Variants in MCC observed in about 807,000 individuals in gnomAD.
MCC encodes the protein colorectal mutant cancer protein.
Under a neutral mutation model 116.2 loss-of-function variants are expected in MCC, and 90 were observed. The observed-to-expected ratio is 0.77, with a 90% CI of 0.65 to 0.92. The LOEUF (loss-of-function observed/expected upper bound fraction) is 0.92, where lower values mean the gene tolerates loss of function less well. Among genes scored for constraint, MCC ranks in the 40% least tolerant of loss-of-function variants. The probability of loss-of-function intolerance (pLI) is 0.00; values close to 1 mark genes in which losing one functional copy is unlikely to be tolerated. For missense variants in MCC, 1,516 were observed against 1,312.2 expected, an observed-to-expected ratio of 1.16 and a Z score of -2.40; for synonymous variants, 578 against 510.5, an observed-to-expected ratio of 1.13 and a Z score of -1.78.
chr5:113,218,093 CG>C (rs1763392933), intron 3 of MCC, among the ~76,000 whole-genome samples: 1 of 34,092 alleles, frequency 2.9e-5, no homozygotes, highest in African/African-American at 1.2e-4. Context: ...GATGGTTGCA[CG>C]GGGGTGGGGG....
intron 3 of MCC, among the ~76,000 whole-genome samples, chr5:113,193,754 C>A (rs1214347520): frequency 6.6e-6 from 1 of 152,234 alleles, no homozygotes; most frequent in Non-Finnish European, 1.5e-5. Flanking sequence ...CATTCACACA[C>A]TGCACTTCCA....
At chr5:113,317,277 A>T (rs35352601) in intron 3 of MCC, among the ~76,000 whole-genome samples, 21,641 of 152,268 alleles carry the variant, frequency 0.14, 2,104 homozygotes, top group Non-Finnish European at 0.2. Flanking sequence ...CTTAAAAAAA[A>T]ACTATATTCA....
At chr5:113,294,496 G>C (rs1396107893) in intron 3 of MCC, 1 of 1,571,124 alleles carries the variant, frequency 6.4e-7, no homozygotes, top group Non-Finnish European at 8.6e-7. Context: ...TTTTAGTCTA[G>C]ACAGCCATTT....
chr5:113,463,863 T>A (rs1013368723), intron 1 of MCC, among the ~76,000 whole-genome samples: 1 of 151,956 alleles, frequency 6.6e-6, no homozygotes, highest in Non-Finnish European at 1.5e-5. Context: ...TGAGCAAAAA[T>A]TGATGCCTTA....
At chr5:113,111,233 T>G (rs11953203) in intron 6 of MCC, among the ~76,000 whole-genome samples, 72,321 of 152,082 alleles carry the variant, frequency 0.48, 17,633 homozygotes, top group African/African-American at 0.56. Flanking sequence ...GGGAAACAGG[T>G]ATTCCCAGCT....
intron 3 of MCC, among the ~76,000 whole-genome samples, chr5:113,254,573 A>G (rs563626136): frequency 1.4e-4 from 22 of 152,354 alleles, no homozygotes; most frequent in African/African-American, 5.3e-4. Flanking sequence ...CACAGCCCAT[A>G]CGTAAAGCAA....
intron 3 of MCC, among the ~76,000 whole-genome samples, chr5:113,233,169 A>G (rs1405770330): frequency 6.6e-6 from 1 of 152,194 alleles, no homozygotes; most frequent in Non-Finnish European, 1.5e-5. Context: ...AGGAGAGGAA[A>G]CAAGCTTCTT....
chr5:113,306,770 C>T (rs1250257365), intron 3 of MCC, among the ~76,000 whole-genome samples: 1 of 151,816 alleles, frequency 6.6e-6, no homozygotes, highest in South Asian at 2.1e-4. Flanking sequence ...GCTTTTGGTG[C>T]CATATTTAAT....
chr5:113,481,290 C>T (rs924214586), intron 1 of MCC, among the ~76,000 whole-genome samples: 2 of 151,954 alleles, frequency 1.3e-5, no homozygotes, highest in Non-Finnish European at 2.9e-5. Context: ...AATTATTTTG[C>T]CATAGTTTAA....
At chr5:113,100,534 C>T (rs1007448268) in intron 8 of MCC, among the ~76,000 whole-genome samples, 70 of 122,212 alleles carry the variant, frequency 5.7e-4, no homozygotes, top group Admixed American at 5.2e-3. Flanking sequence ...TGCAGTGGTG[C>T]GATCTTGGCC....
At chr5:113,068,616 C>G (rs982916215) in intron 12 of MCC, among the ~76,000 whole-genome samples, 3 of 152,190 alleles carry the variant, frequency 2.0e-5, no homozygotes, top group East Asian at 1.9e-4. Flanking sequence ...AATTAGCTTA[C>G]TAAAAAACCC....
intron 1 of MCC, among the ~76,000 whole-genome samples, chr5:113,447,401 T>C (rs1771254484): frequency 6.6e-6 from 1 of 152,190 alleles, no homozygotes; most frequent in South Asian, 2.1e-4. Flanking sequence ...TTATGTACAA[T>C]TTGAAAAATA....
chr5:113,169,643 T>C (rs574857414), intron 3 of MCC, among the ~76,000 whole-genome samples: 5 of 152,280 alleles, frequency 3.3e-5, no homozygotes, highest in African/African-American at 1.2e-4. Flanking sequence ...GGTCACATTC[T>C]GGCCATGGGG....
intron 1 of MCC, among the ~76,000 whole-genome samples, chr5:113,453,012 G>A (rs1771444049): frequency 1.3e-5 from 2 of 152,188 alleles, no homozygotes; most frequent in African/African-American, 4.8e-5. Flanking sequence ...AGGTGACAAA[G>A]TATCAACAAC....
intron 3 of MCC, among the ~76,000 whole-genome samples, chr5:113,166,255 TATCAAAA>T (rs1760761071): frequency 6.6e-6 from 1 of 152,064 alleles, no homozygotes; most frequent in Non-Finnish European, 1.5e-5. Flanking sequence ...TAGATAAAAA[TATCAAAA>T]GAAAATCTAA....
intron 3 of MCC, among the ~76,000 whole-genome samples, chr5:113,212,586 T>G (rs1321101113): frequency 6.6e-6 from 1 of 152,258 alleles, no homozygotes; most frequent in Non-Finnish European, 1.5e-5. Flanking sequence ...ACGTTTATTG[T>G]ACAATGCCAA....
At chr5:113,277,837 T>G (rs1347352497) in intron 3 of MCC, among the ~76,000 whole-genome samples, 1 of 152,164 alleles carries the variant, frequency 6.6e-6, no homozygotes, top group Non-Finnish European at 1.5e-5. Context: ...GCATTGTGAG[T>G]GAACAGCCAT....
At chr5:113,469,890 G>C (rs1772031718) in intron 1 of MCC, among the ~76,000 whole-genome samples, 1 of 152,188 alleles carries the variant, frequency 6.6e-6, no homozygotes, top group South Asian at 2.1e-4. Context: ...TATATATTTA[G>C]GATAGTTAGC....
At chr5:113,358,771 G>T (rs1768473830) in intron 2 of MCC, among the ~76,000 whole-genome samples, 1 of 152,162 alleles carries the variant, frequency 6.6e-6, no homozygotes, top group Admixed American at 6.6e-5. Context: ...ACTATTTCTA[G>T]ATAATACTGA....
Sources: gnomAD v4.1 joint callset for allele counts (sites outside exome capture counted in the v4.1 genomes callset) on GRCh38, gnomAD v4.1.1 for gene constraint, MANE v1.5 for transcripts, NCBI Gene and HGNC (gene_info 2026-07-23, HGNC 2026-07-21) for gene names.